Variants in HPS1 observed in about 807,000 individuals in gnomAD.
HPS1 encodes the protein BLOC-3 complex member HPS1.
HPS1 carries 59 observed loss-of-function variants against 90.6 expected under a neutral mutation model. That is an observed-to-expected ratio of 0.65 (90% confidence interval 0.53 to 0.81). The LOEUF is 0.81. HPS1 is among the 30% of genes least tolerant of loss of function. HPS1 has a pLI of 0.00. For synonymous variants in HPS1, 388 were observed against 384.4 expected, an observed-to-expected ratio of 1.01 and a Z score of -0.11; for missense variants, 849 against 896.7, an observed-to-expected ratio of 0.95 and a Z score of 0.68.
At chr10:98,426,204 G>C (rs1328658226) in intron 11 of HPS1, 1 of 559,094 alleles carries the variant, frequency 1.8e-6, no homozygotes, top group Non-Finnish European at 3.2e-6. Context: ...AGTCTGGCCC[G>C]GGTGCCAAGC....
intron 13 of HPS1, 116 bp downstream of exon 13, chr10:98,425,425 G>A (rs1179818663): frequency 4.1e-6 from 4 of 979,338 alleles, no homozygotes; most frequent in African/African-American, 1.6e-5. Flanking sequence ...CCCGGGGGAG[G>A]TGGAGCCCGG....
Position 98,422,442 on chromosome 10 carries a change from G to A in HPS1, c.1670C>T (p.Pro557Leu). 6.2e-7 allele frequency: 1 copy of A among 1,614,182 alleles called. No homozygotes were observed. The highest frequency in any genetic ancestry group is 8.5e-7 in the Non-Finnish European group (1 of 1,180,006). Residue 557 changes from proline (P) to leucine (L), a missense_variant, in exon 17 of 20, where the codon CCT (proline) becomes CTT (leucine). Transcript: ENST00000361490. ...VDRTTGQMVAPSLNCSQKTSS... is the reference protein window; with the variant it reads ...VDRTTGQMVALSLNCSQKTSS... The stretch of plus-strand genomic sequence containing the variant: ...GGTCTTTTGACTGCAGTTGAGGGAA[G>A]GCGCCACCATCTGCCCAGTGGTGCG...
chr10:98,428,411 G>A (rs553235001), intron 10 of HPS1, among the ~76,000 whole-genome samples: 20 of 152,330 alleles, frequency 1.3e-4, no homozygotes, highest in Non-Finnish European at 2.5e-4. Flanking sequence ...CAGCCAGGGG[G>A]CAAAGCATGC....
At chr10:98,437,959 C>T (rs563489554) in intron 3 of HPS1, among the ~76,000 whole-genome samples, 40 of 152,276 alleles carry the variant, frequency 2.6e-4, no homozygotes, top group African/African-American at 9.4e-4. Context: ...AGTGAGTCCT[C>T]ACCAGATCTG....
Position 98,417,571 on chromosome 10 carries a change from AG to A in HPS1, c.2095del (p.Leu699CysfsTer26), listed in dbSNP as rs1844254450. ...GACTGCGGCCACCTTGGCCTAGAGC[AG>A]GGGGATACGGGAGGCCTCCCAGAGG... Reference protein sequence around the residue: ...RRLWEASRIPLL With the variant: ...RRLWEASRIPXL On this transcript the variant is annotated frameshift_variant, in exon 20 of 20. Transcript: ENST00000361490. LOFTEE classifies it high-confidence loss of function. This position sits in a 1 kb window ranked among gnomAD's most constrained non-coding sequence, Gnocchi z 4.2. The A allele has an allele frequency of 1.9e-6, 3 of 1,610,680 alleles. No homozygotes were observed. The highest frequency in any genetic ancestry group is 8.5e-7 in the Non-Finnish European group (1 of 1,179,076).
chr10:98,422,239 A>C lies in HPS1; in HGVS notation c.1743+130T>G. 3 of 939,294 alleles carry C rather than the reference A, an allele frequency of 3.2e-6. No homozygotes were observed. The South Asian group carries it at 4.1e-5, about 13-fold the overall frequency. 58.2% of individuals were successfully genotyped at this position (939,294 alleles called of 1,614,324 possible). A position where few individuals can be genotyped will look rare whatever the true frequency, so the allele number is the denominator to read the frequency against. Reference sequence around the variant, plus strand: ...TTGTCGAGCATTTATTTATGCCGGCACTGGCCACTGCCTCCTTGGGCCTGC... The same window carrying C: ...TTGTCGAGCATTTATTTATGCCGGCCCTGGCCACTGCCTCCTTGGGCCTGC... On this transcript the variant is annotated intron_variant, in intron 17 of 19. Coordinates refer to ENST00000361490, the MANE Select transcript of HPS1 (RefSeq NM_000195.5).
intron 3 of HPS1, among the ~76,000 whole-genome samples, chr10:98,440,330 T>C (rs761272175): frequency 6.6e-6 from 1 of 152,218 alleles, no homozygotes; most frequent in Non-Finnish European, 1.5e-5. Flanking sequence ...GAGATAAAAT[T>C]TAAGCACAAA....
At chr10:98,423,032 C>T (rs1422211572) in intron 16 of HPS1, among the ~76,000 whole-genome samples, 1 of 152,210 alleles carries the variant, frequency 6.6e-6, no homozygotes, top group Non-Finnish European at 1.5e-5. Context: ...TGAGGACCTG[C>T]CTCAGGAGAC....
intron 3 of HPS1, among the ~76,000 whole-genome samples, chr10:98,439,895 T>C (rs1447928152): frequency 6.6e-6 from 1 of 152,202 alleles, no homozygotes; most frequent in African/African-American, 2.4e-5. Flanking sequence ...AATTGAATCA[T>C]GGGAGCAGTT....
intron 18 of HPS1, among the ~76,000 whole-genome samples, 180 bp from the exon 19 acceptor site, chr10:98,418,437 A>C (rs1216250331): frequency 6.6e-6 from 1 of 152,198 alleles, no homozygotes; most frequent in African/African-American, 2.4e-5. Context: ...TGAACATTAG[A>C]GAAAAAGTAT....
At chr10:98,427,559 G>A (rs1418477375) in intron 10 of HPS1, among the ~76,000 whole-genome samples, 1 of 152,160 alleles carries the variant, frequency 6.6e-6, no homozygotes, top group African/African-American at 2.4e-5. Flanking sequence ...GTGGTCAGGG[G>A]GTAGAGGGGC....
rs281865078 is a variant in HPS1, at chr10:98,434,071, GC to G, written c.418del (p.Ala140ArgfsTer35). ...GTGCTCCCACAGCTGGACACGCTGC[GC>G]CAGGTCTGGGGGCCGCAGCCTGGGG... ...IRKELRPPDL[A>X]QRVQLWEHFQ... is the part of the protein sequence containing the mutation. On this transcript the variant is annotated frameshift_variant, in exon 6 of 20. Transcript: ENST00000361490. LOFTEE classifies it high-confidence loss of function. 1 of 1,550,610 alleles carries G rather than the reference GC, an allele frequency of 6.4e-7. No homozygotes were observed. Among genetic ancestry groups the G allele is most frequent in the Non-Finnish European group, 8.7e-7 (1 of 1,147,194 alleles).
downstream of HPS1, chr10:98,414,925 C>G: frequency 1.7e-5 from 26 of 1,506,252 alleles, no homozygotes; most frequent in Non-Finnish European, 2.3e-5. Flanking sequence ...TGGGGCTTGG[C>G]TCCCCCTCCC....
At chr10:98,437,666 G>GC (rs1233264034) in intron 3 of HPS1, among the ~76,000 whole-genome samples, 1 of 152,232 alleles carries the variant, frequency 6.6e-6, no homozygotes, top group Admixed American at 6.5e-5. Context: ...GTTTGTGTAA[G>GC]CACACACTAT....
At chr10:98,437,005 C>T (rs1484698338) in intron 3 of HPS1, among the ~76,000 whole-genome samples, 1 of 152,036 alleles carries the variant, frequency 6.6e-6, no homozygotes, top group Non-Finnish European at 1.5e-5. Flanking sequence ...ATTCTGGTTC[C>T]AGCTCAGATT....
intron 11 of HPS1, among the ~76,000 whole-genome samples, chr10:98,426,985 C>T (rs976169627): frequency 4.6e-5 from 7 of 151,954 alleles, no homozygotes; most frequent in East Asian, 1.9e-4. Flanking sequence ...GGGACAGCAC[C>T]TGGGGGAGGG....
At chr10:98,415,270 A>C (rs1282660249), downstream of HPS1, 21 of 1,220,386 alleles carry the variant, frequency 1.7e-5, no homozygotes, top group East Asian at 4.2e-4. Context: ...CCCCTCCACC[A>C]TGCATTCTTG....
intron 16 of HPS1, among the ~76,000 whole-genome samples, chr10:98,423,133 T>A (rs1006043476): frequency 6.6e-6 from 1 of 152,166 alleles, no homozygotes; most frequent in Non-Finnish European, 1.5e-5. Context: ...TAGTGTTCCA[T>A]AATAAAAGGG....
intron 9 of HPS1, 56 bp downstream of exon 9, chr10:98,429,735 G>C: frequency 1.9e-6 from 3 of 1,613,102 alleles, no homozygotes; most frequent in Non-Finnish European, 2.5e-6. Context: ...AGGCCTGGTC[G>C]CCTGCAGAGG....
Sources: gnomAD v4.1 joint callset for allele counts (sites outside exome capture counted in the v4.1 genomes callset) on GRCh38, gnomAD v4.1.1 for gene constraint, Gnocchi (gnomAD v3.1) non-coding constraint, MANE v1.5 for transcripts, NCBI Gene and HGNC (gene_info 2026-07-23, HGNC 2026-07-21) for gene names.